BTD: variants seen among roughly 807,000 people sequenced by gnomAD.
BTD encodes the protein biocytinase.
BTD carries 13 observed loss-of-function variants against 17.7 expected under a neutral mutation model. The ratio of observed to expected loss-of-function variants is 0.74; its 90% CI spans 0.48 to 1.17. BTD has a LOEUF of 1.17. Ranked by LOEUF, BTD falls within the 50% of genes most tolerant of loss-of-function variation. The pLI is 0.00. For missense variants in BTD, 674 were observed against 650.4 expected (o/e 1.04, Z -0.39); for synonymous variants, 240 against 245.2 (o/e 0.98, Z 0.20).
intron 3 of BTD, 147 bp from the exon 4 acceptor site, chr3:15,644,169 T>G (rs1455732142): frequency 3.7e-6 from 3 of 800,196 alleles, no homozygotes; most frequent in Non-Finnish European, 5.8e-6. Context: ...CCCGGCTAAT[T>G]TTTTGTATTT....
chr3:15,722,127 T>A (rs2073798908), exon 5 of BTD, among the ~76,000 whole-genome samples: 1 of 152,090 alleles, frequency 6.6e-6, no homozygotes, highest in African/African-American at 2.4e-5. Context: ...CAAAGAGAGG[T>A]CTGTCCTTTG....
At chr3:15,611,323 C>T (rs1171684765) in intron 1 of BTD, among the ~76,000 whole-genome samples, 1 of 152,122 alleles carries the variant, frequency 6.6e-6, no homozygotes, top group Non-Finnish European at 1.5e-5. Context: ...CACAAGATGA[C>T]TCTGAAAATG....
intron 3 of BTD, chr3:15,685,283 TTGCATCCATAGATGC>T (rs2067982221): frequency 1.2e-6 from 2 of 1,614,008 alleles, no homozygotes; most frequent in Non-Finnish European, 8.5e-7. Flanking sequence ...GTGGCTGGAT[TTGCATCCATAGATGC>T]TGCTGACTGC....
At chr3:15,642,742 A>G (rs1474940968) in intron 3 of BTD, among the ~76,000 whole-genome samples, 3 of 152,216 alleles carry the variant, frequency 2.0e-5, no homozygotes, top group South Asian at 4.1e-4. Context: ...GATTACAGGC[A>G]TGAGCCACTG....
intron 1 of BTD, among the ~76,000 whole-genome samples, chr3:15,613,391 C>T (rs922264051): frequency 6.6e-6 from 1 of 152,136 alleles, no homozygotes; most frequent in Non-Finnish European, 1.5e-5. Context: ...CTGCTTCTAT[C>T]TTTGCCATAA....
intron 3 of BTD, chr3:15,694,886 C>G: frequency 2.9e-6 from 4 of 1,362,430 alleles, no homozygotes; most frequent in Non-Finnish European, 3.1e-6. Context: ...CCACCCAGTT[C>G]AAATCCACCT....
At chr3:15,619,567 T>C (rs1463858374) in intron 1 of BTD, among the ~76,000 whole-genome samples, 2 of 152,274 alleles carry the variant, frequency 1.3e-5, no homozygotes, top group Non-Finnish European at 2.9e-5. Flanking sequence ...TTTGCTAATA[T>C]TTGTTGGTGT....
chr3:15,687,180 T>C (rs2455808), intron 3 of BTD, among the ~76,000 whole-genome samples: 107,846 of 151,698 alleles, frequency 0.71, 38,536 homozygotes, highest in East Asian at 0.91. Flanking sequence ...CCTGACCTCA[T>C]GATCCACCCA....
Position 15,619,924 on chromosome 3 carries a change from T to C in BTD, c.-16-15500T>C, listed in dbSNP as rs539781162. The stretch of plus-strand genomic sequence containing the variant: ...TTAAGGGTTTCAAAAGGGGAGGGAG[T>C]GTAAGAACAGAGAGTAGATACAAAG... On this transcript the variant is annotated intron_variant, in intron 1 of 3. Transcript: ENST00000643237. 7.3e-5 allele frequency among the ~76,000 whole-genome samples: 11 copies of C among 151,450 alleles called. No individual in the cohort carries two copies. In the South Asian group the frequency reaches 2.3e-3, roughly 32 times the overall value.
chr3:15,635,545 G>A lies in BTD; in HGVS notation c.106G>A (p.Glu36Lys), dbSNP rs778509548. The A allele has an allele frequency of 1.2e-5, 19 of 1,614,184 alleles. No homozygotes were observed. Among genetic ancestry groups the A allele is most frequent in the Non-Finnish European group, 1.6e-5 (19 of 1,180,040 alleles). ...GAGCGTGGCTGACCATCACGAGGCTGAATATTATGTGGCTGCCGTGTATGA... is the reference window on the plus strand; with the variant it reads ...GAGCGTGGCTGACCATCACGAGGCTAAATATTATGTGGCTGCCGTGTATGA... ...EESVADHHEA[E>K]YYVAAVYEHP... The change falls in exon 2 of 4, where the codon GAA (glutamate) becomes AAA (lysine). Residue 36 changes from glutamate (E) to lysine (K), a missense_variant. Transcript: ENST00000643237. This position sits in a 1 kb window ranked among gnomAD's most constrained non-coding sequence, Gnocchi z 4.1.
rs2125516173 is a variant in BTD at position 15,647,968 on chromosome 3, C to T, written c.*2480C>T. Among the ~76,000 whole-genome samples the T allele has an allele frequency of 6.6e-6, 1 of 152,332 alleles. No homozygotes were observed. The highest frequency in any genetic ancestry group is 6.5e-5 in the Admixed American group (1 of 15,296). ...ACCATGTCTGCTCTCAAGACACAGG[C>T]CTGTCCAGAGCCCCTGCTGAGGGAA... On this transcript the variant is annotated 3_prime_UTR_variant, in exon 4 of 4. Coordinates refer to ENST00000643237, the MANE Select transcript of BTD (RefSeq NM_001370658.1).
intron 1 of BTD, among the ~76,000 whole-genome samples, chr3:15,608,191 TTACTC>T (rs1177217460): frequency 6.6e-6 from 1 of 152,218 alleles, no homozygotes; most frequent in Non-Finnish European, 1.5e-5. Context: ...CCCTGTGCCT[TTACTC>T]TACATTTTAA....
At chr3:15,695,332 A>G (rs2069376641) in intron 3 of BTD, 1 of 703,394 alleles carries the variant, frequency 1.4e-6, no homozygotes, top group Non-Finnish European at 2.4e-6. Context: ...TTTGGCTCCA[A>G]AAAATTAGGT....
At chr3:15,607,343 A>G (rs933282150) in intron 1 of BTD, among the ~76,000 whole-genome samples, 1 of 152,208 alleles carries the variant, frequency 6.6e-6, no homozygotes, top group Admixed American at 6.5e-5. Flanking sequence ...TCTGCATACC[A>G]ATTACTCTAT....
At chr3:15,617,068 C>T (rs1457257728) in intron 1 of BTD, among the ~76,000 whole-genome samples, 1 of 152,152 alleles carries the variant, frequency 6.6e-6, no homozygotes, top group African/African-American at 2.4e-5. Context: ...CTCTTGACCT[C>T]GTGATCTGCC....
At chr3:15,629,542 G>T (rs1297271519) in intron 1 of BTD, among the ~76,000 whole-genome samples, 1 of 152,032 alleles carries the variant, frequency 6.6e-6, no homozygotes, top group Non-Finnish European at 1.5e-5. Flanking sequence ...GTTTTGTTTT[G>T]AGATGGAATC....
intron 1 of BTD, among the ~76,000 whole-genome samples, chr3:15,614,987 A>G (rs138706550): frequency 6.6e-6 from 1 of 152,254 alleles, no homozygotes; most frequent in East Asian, 1.9e-4. Context: ...TTCACTAGTA[A>G]TCCTTCCATC....
In BTD at chr3:15,649,691, G is replaced by A. The variant is rs763501865; in HGVS notation, c.*4203G>A. On this transcript the variant is annotated 3_prime_UTR_variant, in exon 4 of 4. Coordinates refer to ENST00000643237, the MANE Select transcript of BTD (RefSeq NM_001370658.1). ...TGTACTGTTGTCTGCTTGAAATGGC[G>A]TCTTCTGATGAACACTCATCCATCC... is the stretch of plus-strand genomic sequence containing the variant. Among the ~76,000 whole-genome samples, 8 of 152,200 alleles carry A rather than the reference G, an allele frequency of 5.3e-5. No homozygotes were observed. Among genetic ancestry groups the A allele is most frequent in the South Asian group, 2.1e-4 (1 of 4,836 alleles).
rs2072245960 is a variant in BTD, at chr3:15,711,333, T to A, written c.*1259T>A. 3 of 1,412,192 alleles carry A rather than the reference T, an allele frequency of 2.1e-6. No homozygotes were observed. The South Asian group carries it at 3.6e-5, about 17-fold the overall frequency. 87.5% of individuals were successfully genotyped at this position (1,412,192 alleles called of 1,614,324 possible). A position where few individuals can be genotyped will look rare whatever the true frequency, so the allele number is the denominator to read the frequency against. ...CATATTATTTTACACTAAAGAATTG[T>A]GTCATGAAACATCAAGAATCACATC... On this transcript the variant is annotated 3_prime_UTR_variant, in exon 4 of 4. Coordinates refer to the BTD transcript ENST00000672141.
Sources: gnomAD v4.1 joint callset for allele counts (sites outside exome capture counted in the v4.1 genomes callset) on GRCh38, gnomAD v4.1.1 for gene constraint, Gnocchi (gnomAD v3.1) non-coding constraint, MANE v1.5 for transcripts, NCBI Gene and HGNC (gene_info 2026-07-23, HGNC 2026-07-21) for gene names.